Variants in GLMN observed in about 807,000 individuals in gnomAD.
GLMN encodes the protein glomulin.
GLMN carries 75 observed loss-of-function variants against 87.8 expected under a neutral mutation model. That is an observed-to-expected ratio of 0.85 (90% CI 0.71 to 1.04). The LOEUF is 1.04. GLMN is among the 50% of genes least tolerant of loss of function. The pLI is 0.00. For missense variants in GLMN, 588 were observed against 658.8 expected, an observed-to-expected ratio of 0.89 and a Z score of 1.18; for synonymous variants, 206 against 221.6, an observed-to-expected ratio of 0.93 and a Z score of 0.63.
intron 16 of GLMN, among the ~76,000 whole-genome samples, chr1:92,260,005 G>T (rs1346603554): frequency 6.6e-6 from 1 of 151,922 alleles, no homozygotes; most frequent in Non-Finnish European, 1.5e-5. Flanking sequence ...AAAGAGCTGG[G>T]ATTACAGGTG....
chr1:92,340,833 T>C, the GLMN span, among the ~76,000 whole-genome samples: 1 of 152,180 alleles, frequency 6.6e-6, no homozygotes, highest in Non-Finnish European at 1.5e-5. Context: ...TGTAAAGCAG[T>C]TTCCATCAGA....
At chr1:92,279,620 C>T (rs914535806) in intron 7 of GLMN, among the ~76,000 whole-genome samples, 1 of 152,138 alleles carries the variant, frequency 6.6e-6, no homozygotes, top group African/African-American at 2.4e-5. Context: ...GTGGGTGCAG[C>T]CCACGGAGGG....
chr1:92,318,013 A>C, the GLMN span, among the ~76,000 whole-genome samples: 1 of 152,136 alleles, frequency 6.6e-6, no homozygotes, highest in Non-Finnish European at 1.5e-5. Flanking sequence ...ATCACTCCTG[A>C]GTCTGCTTTG....
intron 7 of GLMN, among the ~76,000 whole-genome samples, chr1:92,280,437 T>C (rs1433961898): frequency 6.6e-6 from 1 of 152,102 alleles, no homozygotes; most frequent in Non-Finnish European, 1.5e-5. Context: ...AGAAAGGACA[T>C]CTACACCAAA....
the GLMN span, among the ~76,000 whole-genome samples, chr1:92,351,456 A>G: frequency 6.6e-6 from 1 of 152,118 alleles, no homozygotes; most frequent in African/African-American, 2.4e-5. Flanking sequence ...GTAAAGAATC[A>G]CTTTTAATCA....
the GLMN span, among the ~76,000 whole-genome samples, chr1:92,369,829 G>C: frequency 2.0e-5 from 3 of 152,330 alleles, no homozygotes; most frequent in South Asian, 4.1e-4. Flanking sequence ...TGTTTGGTAA[G>C]ATCTTGCAAT....
At chr1:92,300,163 T>G, upstream of GLMN, 1 of 1,521,534 alleles carries the variant, frequency 6.6e-7, no homozygotes, top group Non-Finnish European at 9.1e-7. Flanking sequence ...GAAATGTCAT[T>G]ATGTAGCACA....
chr1:92,311,196 C>T, the GLMN span, among the ~76,000 whole-genome samples: 1 of 152,142 alleles, frequency 6.6e-6, no homozygotes, highest in Admixed American at 6.5e-5. Context: ...AGGAAACCTG[C>T]TTCTCAACAC....
intron 3 of GLMN, among the ~76,000 whole-genome samples, chr1:92,291,858 C>T (rs1393853477): frequency 5.3e-5 from 8 of 152,188 alleles, no homozygotes; most frequent in Admixed American, 5.2e-4. Flanking sequence ...TTAACTTCCA[C>T]AGACAATTTT....
chr1:92,321,965 A>G, the GLMN span, among the ~76,000 whole-genome samples: 1 of 144,978 alleles, frequency 6.9e-6, no homozygotes, highest in African/African-American at 2.5e-5. Context: ...TTTTTTTTCA[A>G]GACAGAGTCT....
At chr1:92,340,394 A>G in the GLMN span, among the ~76,000 whole-genome samples, 5 of 152,216 alleles carry the variant, frequency 3.3e-5, no homozygotes, top group Non-Finnish European at 7.3e-5. Context: ...GAAAAATGCC[A>G]TATTGATGAC....
chr1:92,355,974 T>G, the GLMN span, among the ~76,000 whole-genome samples: 1 of 152,138 alleles, frequency 6.6e-6, no homozygotes, highest in East Asian at 1.9e-4. Context: ...CGTGGAGTGG[T>G]TTAGTATCTG....
the GLMN span, among the ~76,000 whole-genome samples, chr1:92,370,227 T>C: frequency 3.3e-5 from 5 of 152,322 alleles, no homozygotes; most frequent in African/African-American, 1.2e-4. Flanking sequence ...TGTTTTGTTT[T>C]ATATTTTGAA....
intron 7 of GLMN, 137 bp from the exon 8 acceptor site, chr1:92,271,789 G>C (rs1435375139): frequency 6.0e-6 from 4 of 667,786 alleles, no homozygotes; most frequent in East Asian, 2.6e-5. Context: ...TATGAGACTT[G>C]CTTTCAACCA....
the GLMN span, among the ~76,000 whole-genome samples, chr1:92,364,020 G>A: frequency 6.6e-6 from 1 of 152,134 alleles, no homozygotes; most frequent in African/African-American, 2.4e-5. Context: ...GGGGGAGGGG[G>A]TCAGTGTCCC....
At chr1:92,256,149 GA>G (rs901024198) in intron 16 of GLMN, among the ~76,000 whole-genome samples, 17 of 151,604 alleles carry the variant, frequency 1.1e-4, no homozygotes, top group East Asian at 7.7e-4. Flanking sequence ...AGAAAATCTA[GA>G]AAAAAAATGG....
the GLMN span, among the ~76,000 whole-genome samples, chr1:92,338,479 G>C: frequency 6.6e-6 from 1 of 152,114 alleles, no homozygotes; most frequent in Non-Finnish European, 1.5e-5. Flanking sequence ...GAGATAAAAA[G>C]TATTTAACAA....
At chr1:92,343,721 A>G in the GLMN span, among the ~76,000 whole-genome samples, 1 of 143,286 alleles carries the variant, frequency 7.0e-6, no homozygotes, top group Non-Finnish European at 1.6e-5. Context: ...CTCTGACAAG[A>G]AAAAACAGAA....
intron 18 of GLMN, 36 bp from the exon 19 acceptor site, chr1:92,246,682 G>A (rs1250053401): frequency 9.5e-7 from 1 of 1,051,686 alleles, no homozygotes. Flanking sequence ...TATTAATGCT[G>A]CCTTTAAAGC....
Sources: allele counts gnomAD v4.1 joint callset (sites outside exome capture counted in the v4.1 genomes callset), GRCh38; gene constraint gnomAD v4.1.1; transcripts MANE v1.5; gene names NCBI Gene and HGNC (gene_info 2026-07-23, HGNC 2026-07-21).